The following ASB5 variants were observed in gnomAD, a reference collection of about 807,000 sequenced individuals.
The protein encoded by ASB5 is ankyrin repeat and SOCS box protein 5.
In ASB5, 45 loss-of-function variants were observed where a neutral mutation model predicts 42.1. The observed-to-expected ratio is 1.07, with a 90% CI of 0.84 to 1.37. The LOEUF is 1.37. Ranked by LOEUF, ASB5 falls within the 40% of genes most tolerant of loss-of-function variation. ASB5 has a pLI of 0.00. For synonymous variants in ASB5, 147 were observed against 150.6 expected (o/e 0.98, Z 0.18); for missense variants, 402 against 399.8 (o/e 1.01, Z -0.05).
Position 176,215,693 on chromosome 4 carries a change from G to A in ASB5, c.897C>T (p.Leu299=), listed in dbSNP as rs780872268. The A allele has an allele frequency of 3.1e-6, 5 of 1,613,102 alleles. No individual in the cohort carries two copies. The highest frequency in any genetic ancestry group is 3.4e-6 in the Non-Finnish European group (4 of 1,179,370). Reference sequence around the variant, plus strand: ...GTTTTCCTATGTAGCTTCGGATACAGAGTCGGCAAAGTTGGTAAAGAGAGC... The same window carrying A: ...GTTTTCCTATGTAGCTTCGGATACAAAGTCGGCAAAGTTGGTAAAGAGAGC... ...TPSSLYQLCR[L]CIRSYIGKPR... The change falls in exon 7 of 7, where the codon CTC becomes CTT. Residue 299 remains leucine, a synonymous_variant. Coordinates refer to ENST00000296525, the MANE Select transcript of ASB5 (RefSeq NM_080874.4).
rs146689804 is a variant in ASB5, at chr4:176,237,630, G to A, written c.197-12289C>T. ...CTGGTAGGTGCAATGTGGAGGATGGGCCAGAAATGCTGGAGCATTTTCTAT... is the reference window on the plus strand; with the variant it reads ...CTGGTAGGTGCAATGTGGAGGATGGACCAGAAATGCTGGAGCATTTTCTAT... On this transcript the variant is annotated intron_variant, in intron 1 of 6. Transcript: ENST00000296525. The A allele has an allele frequency of 4.3e-6, 4 of 937,308 alleles. No individual in the cohort carries two copies. In the East Asian group the frequency reaches 3.5e-4, roughly 82 times the overall value. 58.1% of individuals were successfully genotyped at this position (937,308 alleles called of 1,614,324 possible).
chr4:176,246,263 A>T (rs1305806688), intron 1 of ASB5, among the ~76,000 whole-genome samples: 1 of 152,174 alleles, frequency 6.6e-6, no homozygotes, highest in Non-Finnish European at 1.5e-5. Flanking sequence ...GGGTCAAGAG[A>T]TAATAGGGAA....
intron 5 of ASB5, among the ~76,000 whole-genome samples, chr4:176,219,882 G>A (rs1263458202): frequency 6.6e-6 from 1 of 151,642 alleles, no homozygotes; most frequent in Non-Finnish European, 1.5e-5. Flanking sequence ...AATGTTTGGT[G>A]GAAAGAATAA....
intron 1 of ASB5, among the ~76,000 whole-genome samples, chr4:176,263,036 A>C (rs1225462607): frequency 1.3e-5 from 2 of 152,170 alleles, no homozygotes; most frequent in Non-Finnish European, 2.9e-5. Flanking sequence ...TGTTTGGGTT[A>C]TGGGGATGGA....
Position 176,226,877 on chromosome 4 carries a change from C to T in ASB5, c.197-1536G>A, listed in dbSNP as rs537365887. Among the ~76,000 whole-genome samples the T allele has an allele frequency of 4.6e-5, 7 of 152,314 alleles. No homozygotes were observed. The South Asian group carries it at 1.2e-3, about 27-fold the overall frequency. On this transcript the variant is annotated intron_variant, in intron 1 of 6. Coordinates refer to ENST00000296525, the MANE Select transcript of ASB5 (RefSeq NM_080874.4). ...CCATGGAGGGCAAGTAGCTGAGCCC[C>T]GCGTCTGAAGTGAAGCATGAGCCCT... is the stretch of plus-strand genomic sequence containing the variant.
In ASB5 at chr4:176,225,207, C is replaced by T. The variant is rs1753340966; in HGVS notation, c.276+55G>A. On this transcript the variant is annotated intron_variant, in intron 2 of 6. Coordinates refer to ENST00000296525, the MANE Select transcript of ASB5 (RefSeq NM_080874.4). ...CATATTTGCATTGATTGGTTTTGAC[C>T]ATGTTCTGTGCACATGGAAAGGGGG... 12 of 1,433,544 alleles carry T rather than the reference C, an allele frequency of 8.4e-6. No homozygotes were observed. In the Admixed American group the frequency reaches 8.8e-5, roughly 11 times the overall value. The allele number at this position is 1,433,544 out of a possible 1,614,324, so 88.8% of individuals were successfully genotyped here. A position where few individuals can be genotyped will look rare whatever the true frequency, so the allele number is the denominator to read the frequency against.
At chr4:176,218,217 T>A (rs1388326675) in intron 5 of ASB5, among the ~76,000 whole-genome samples, 1 of 42,186 alleles carries the variant, frequency 2.4e-5, no homozygotes, top group African/African-American at 1.1e-4. Context: ...TATATTTGTA[T>A]GATATAAATA....
At chr4:176,250,280 G>T (rs1754008573) in intron 1 of ASB5, among the ~76,000 whole-genome samples, 1 of 152,134 alleles carries the variant, frequency 6.6e-6, no homozygotes, top group South Asian at 2.1e-4. Flanking sequence ...GGTTCTTTGT[G>T]CTAAAAGTTT....
intron 1 of ASB5, among the ~76,000 whole-genome samples, chr4:176,248,723 A>T (rs1414451889): frequency 1.3e-5 from 2 of 152,248 alleles, no homozygotes; most frequent in Non-Finnish European, 2.9e-5. Flanking sequence ...AGTAAATAAC[A>T]AAAGAATATT....
intron 1 of ASB5, among the ~76,000 whole-genome samples, chr4:176,256,404 C>T (rs1754158067): frequency 6.6e-6 from 1 of 152,168 alleles, no homozygotes; most frequent in African/African-American, 2.4e-5. Flanking sequence ...TTCAGACAGG[C>T]TTTGCAGTGG....
chr4:176,219,575 GATATATATATATATATATATAT>G (rs71597433), intron 5 of ASB5, among the ~76,000 whole-genome samples: 8 of 6,006 alleles, frequency 1.3e-3, no homozygotes, highest in East Asian at 0.01. Flanking sequence ...ATATTTGTAT[GATATATATATATATATATATAT>G]ATATATATAT....
intron 1 of ASB5, among the ~76,000 whole-genome samples, chr4:176,229,306 G>A (rs1281142791): frequency 3.3e-5 from 5 of 152,068 alleles, no homozygotes; most frequent in Admixed American, 3.3e-4. Context: ...GTGGCCTTTG[G>A]GATTCATTCT....
intron 5 of ASB5, among the ~76,000 whole-genome samples, chr4:176,220,559 G>A (rs899070014): frequency 2.5e-4 from 38 of 152,124 alleles, no homozygotes; most frequent in African/African-American, 8.5e-4. Flanking sequence ...TGGTAAGTGG[G>A]ACCACTATGG....
At position 176,215,447 on chromosome 4, in the gene ASB5, T is replaced by C. The variant is rs1752940132; in HGVS notation, c.*153A>G. 1.4e-6 allele frequency: 1 copy of C among 699,630 alleles called. No homozygotes were observed. The highest frequency in any genetic ancestry group is 2.3e-6 in the Non-Finnish European group (1 of 438,860). The allele number at this position is 699,630 out of a possible 1,614,324, so 43.3% of individuals were successfully genotyped here. A position where few individuals can be genotyped will look rare whatever the true frequency, so the allele number is the denominator to read the frequency against. ...ATAAATGATAAAACAATAGTACTAA[T>C]ACACTTAAAATGAAAATTGATATTT... On this transcript the variant is annotated 3_prime_UTR_variant, in exon 7 of 7. Transcript: ENST00000296525.
chr4:176,221,459 C>A lies in ASB5; in HGVS notation c.526G>T (p.Ala176Ser), dbSNP rs755618829. Residue 176 changes from alanine to serine, a missense_variant, in exon 4 of 7, where the codon GCC becomes TCC. Coordinates refer to ENST00000296525, the MANE Select transcript of ASB5 (RefSeq NM_080874.4). ...CCCAGAACTAAGTTACCTTTACTGG[C>A]GGCCTCATGCGTTGGGGATGGAAGA... ...SCLPSPTHEA[A>S]SKGHHECLDI... 6.2e-6 allele frequency: 10 copies of A among 1,612,844 alleles called. No homozygotes were observed. The highest frequency in any genetic ancestry group is 8.5e-6 in the Non-Finnish European group (10 of 1,179,704).
chr4:176,223,954 G>C (rs1753297602), intron 2 of ASB5, among the ~76,000 whole-genome samples: 1 of 152,066 alleles, frequency 6.6e-6, no homozygotes, highest in African/African-American at 2.4e-5. Context: ...CTCCCATCAA[G>C]TGATGAACAA....
chr4:176,226,721 G>A (rs1317461631), intron 1 of ASB5, among the ~76,000 whole-genome samples: 1 of 152,096 alleles, frequency 6.6e-6, no homozygotes, highest in Non-Finnish European at 1.5e-5. Flanking sequence ...TCTCAATTTT[G>A]TTTTGTCCCT....
chr4:176,252,005 G>A (rs922231626), intron 1 of ASB5, among the ~76,000 whole-genome samples: 1 of 144,876 alleles, frequency 6.9e-6, no homozygotes, highest in Non-Finnish European at 1.5e-5. Context: ...CCTTGAGGCT[G>A]CAGTGAGCTA....
At chr4:176,223,280 A>C (rs35331298) in intron 2 of ASB5, among the ~76,000 whole-genome samples, 78,747 of 151,980 alleles carry the variant, frequency 0.52, 20,465 homozygotes, top group East Asian at 0.56. Flanking sequence ...TTTAATTTGG[A>C]CAAATACCTT....
Sources: allele counts gnomAD v4.1 joint callset (sites outside exome capture counted in the v4.1 genomes callset), GRCh38; gene constraint gnomAD v4.1.1; transcripts MANE v1.5; gene names NCBI Gene and HGNC (gene_info 2026-07-23, HGNC 2026-07-21).